SPATS2L: variants seen among roughly 807,000 people sequenced by gnomAD.
SPATS2L encodes spermatogenesis associated serine rich 2 like.
SPATS2L carries 30 observed loss-of-function variants against 59.6 expected under a neutral mutation model. That is an observed-to-expected ratio of 0.50 (90% CI 0.38 to 0.68). SPATS2L has a LOEUF of 0.68. Among genes scored for constraint, SPATS2L ranks in the 30% least tolerant of loss-of-function variants. SPATS2L has a pLI of 0.00. For missense variants in SPATS2L, 615 were observed against 700.0 expected, an observed-to-expected ratio of 0.88 and a Z score of 1.37; for synonymous variants, 252 against 263.5, an observed-to-expected ratio of 0.96 and a Z score of 0.42.
At position 200,419,352 on chromosome 2, in the gene SPATS2L, C is replaced by G; in HGVS notation, c.301C>G (p.Pro101Ala). ...GGCAGGGCCCCTGCAGCCGCAGCCACCACAGATTCAAAACGGCCCCATGAA... is the reference window on the plus strand; with the variant it reads ...GGCAGGGCCCCTGCAGCCGCAGCCAGCACAGATTCAAAACGGCCCCATGAA... Reference protein sequence around the residue: ...PEAGPLQPQPPQIQNGPMNGC... With the variant: ...PEAGPLQPQPAQIQNGPMNGC... Residue 101 changes from proline (P) to alanine (A), a missense_variant, in exon 6 of 13, where the codon CCA becomes GCA. This residue lies in a region of SPATS2L where 227 missense variants were observed against 257.4 expected (regional missense o/e 0.88). Coordinates refer to ENST00000409140, the MANE Select transcript of SPATS2L (RefSeq NM_001100423.2). The G allele has an allele frequency of 6.2e-7, 1 of 1,611,902 alleles. No individual in the cohort carries two copies. The highest frequency in any genetic ancestry group is 8.5e-7 in the Non-Finnish European group (1 of 1,178,996).
chr2:200,465,985 TCA>T (rs1292294073), intron 9 of SPATS2L, among the ~76,000 whole-genome samples: 20 of 152,296 alleles, frequency 1.3e-4, no homozygotes, highest in Admixed American at 2.6e-4. Context: ...TGAGCCGAGA[TCA>T]TGCCACGGCA....
chr2:200,410,882 A>C (rs913477926), intron 3 of SPATS2L, among the ~76,000 whole-genome samples: 1 of 152,136 alleles, frequency 6.6e-6, no homozygotes, highest in African/African-American at 2.4e-5. Context: ...GGATTTTTAA[A>C]GATGACACAG....
In SPATS2L at chr2:200,478,040, G is replaced by T. The variant is rs764825690; in HGVS notation, c.*9G>T. 6.5e-7 allele frequency: 1 copy of T among 1,528,724 alleles called. No individual in the cohort carries two copies. The highest frequency in any genetic ancestry group is 8.8e-7 in the Non-Finnish European group (1 of 1,140,034). 94.7% of individuals were successfully genotyped at this position (1,528,724 alleles called of 1,614,324 possible). ...TGACGTTGGTGGCCTGAGCTAGGAGGAAAAAGAGCAGTTTTCACTCAGTTT... is the reference window on the plus strand; with the variant it reads ...TGACGTTGGTGGCCTGAGCTAGGAGTAAAAAGAGCAGTTTTCACTCAGTTT... On this transcript the variant is annotated 3_prime_UTR_variant, in exon 13 of 13. Transcript: ENST00000409140.
At chr2:200,318,402 A>G (rs1051665321) in intron 1 of SPATS2L, among the ~76,000 whole-genome samples, 2 of 152,224 alleles carry the variant, frequency 1.3e-5, no homozygotes, top group African/African-American at 2.4e-5. Flanking sequence ...TATCAAAATC[A>G]TGAACACTCA....
chr2:200,367,940 C>A (rs984433911), intron 2 of SPATS2L, among the ~76,000 whole-genome samples: 2 of 152,112 alleles, frequency 1.3e-5, no homozygotes, highest in Non-Finnish European at 2.9e-5. Context: ...AATTACTATA[C>A]TTAATTTGGT....
At chr2:200,372,930 C>G (rs973367934) in intron 2 of SPATS2L, among the ~76,000 whole-genome samples, 1 of 152,182 alleles carries the variant, frequency 6.6e-6, no homozygotes. Flanking sequence ...TCCCCAGCAC[C>G]TAGGATGGTA....
intron 2 of SPATS2L, among the ~76,000 whole-genome samples, chr2:200,383,008 C>T (rs147519742): frequency 6.6e-6 from 1 of 152,258 alleles, no homozygotes; most frequent in East Asian, 1.9e-4. Flanking sequence ...AGGATGGAGA[C>T]ACTAGTAGTT....
chr2:200,394,245 G>A (rs1018876101), intron 3 of SPATS2L, among the ~76,000 whole-genome samples: 3 of 152,064 alleles, frequency 2.0e-5, no homozygotes, highest in African/African-American at 4.8e-5. Context: ...ATCCACTGCC[G>A]CATCTCCACG....
intron 2 of SPATS2L, among the ~76,000 whole-genome samples, chr2:200,339,192 A>G (rs1235201439): frequency 3.3e-5 from 5 of 152,224 alleles, no homozygotes; most frequent in African/African-American, 1.2e-4. Flanking sequence ...CACTTGCCTC[A>G]TGAAATAACA....
At chr2:200,406,550 T>G (rs2082695492) in intron 3 of SPATS2L, among the ~76,000 whole-genome samples, 1 of 152,140 alleles carries the variant, frequency 6.6e-6, no homozygotes, top group Non-Finnish European at 1.5e-5. Flanking sequence ...CTCCAGCTTC[T>G]CTCCCTTTGT....
chr2:200,479,941 T>A lies in SPATS2L; in HGVS notation c.*1910T>A. 1 of 393,642 alleles carries A rather than the reference T, an allele frequency of 2.5e-6. No individual in the cohort carries two copies. The highest frequency in any genetic ancestry group is 4.5e-6 in the Non-Finnish European group (1 of 223,548). The allele number at this position is 393,642 out of a possible 1,614,324, so 24.4% of individuals were successfully genotyped here. Reference sequence around the variant, plus strand: ...ATTCCAGGAAGGAAGGAAGAGTTGTTCGTTCAAATAAGAAAGATAAATGTT... The same window carrying A: ...ATTCCAGGAAGGAAGGAAGAGTTGTACGTTCAAATAAGAAAGATAAATGTT... On this transcript the variant is annotated 3_prime_UTR_variant, in exon 13 of 13. Coordinates refer to ENST00000409140, the MANE Select transcript of SPATS2L (RefSeq NM_001100423.2).
intron 2 of SPATS2L, among the ~76,000 whole-genome samples, chr2:200,362,117 C>T (rs2105872360): frequency 6.6e-6 from 1 of 152,186 alleles, no homozygotes; most frequent in East Asian, 1.9e-4. Context: ...CATGGTGGCA[C>T]ATGCCTGTAA....
At chr2:200,409,515 T>G (rs768115457) in intron 3 of SPATS2L, among the ~76,000 whole-genome samples, 24 of 152,170 alleles carry the variant, frequency 1.6e-4, no homozygotes, top group Non-Finnish European at 2.9e-4. Flanking sequence ...AAAATAAACA[T>G]AGTGAATTTA....
rs1267464791 is a variant in SPATS2L at position 200,479,432 on chromosome 2, G to A, written c.*1401G>A. Reference sequence around the variant, plus strand: ...TAGGCCTGTCTCTTAAACCAATCATGAAAGGGGGGAGAGAAGTGAATGGGA... The same window carrying A: ...TAGGCCTGTCTCTTAAACCAATCATAAAAGGGGGGAGAGAAGTGAATGGGA... On this transcript the variant is annotated 3_prime_UTR_variant, in exon 13 of 13. Coordinates refer to ENST00000409140, the MANE Select transcript of SPATS2L (RefSeq NM_001100423.2). 1 of 397,524 alleles carries A rather than the reference G, an allele frequency of 2.5e-6. No individual in the cohort carries two copies. Among genetic ancestry groups the A allele is most frequent in the Non-Finnish European group, 4.4e-6 (1 of 225,974 alleles). The allele number at this position is 397,524 out of a possible 1,614,324, so 24.6% of individuals were successfully genotyped here.
chr2:200,431,368 T>C (rs2083922163), intron 6 of SPATS2L, among the ~76,000 whole-genome samples: 1 of 152,228 alleles, frequency 6.6e-6, no homozygotes, highest in African/African-American at 2.4e-5. Flanking sequence ...CACATTCACA[T>C]AAGTACTTTT....
chr2:200,455,408 G>T (rs1261585106), intron 8 of SPATS2L, among the ~76,000 whole-genome samples: 2 of 152,194 alleles, frequency 1.3e-5, no homozygotes, highest in Admixed American at 1.3e-4. Flanking sequence ...CTTGTTTCAA[G>T]CCCCTGTGGC....
Position 200,306,773 on chromosome 2 carries a change from C to T in SPATS2L, c.-222C>T. On this transcript the variant is annotated 5_prime_UTR_variant, in exon 1 of 13. Transcript: ENST00000409140. ...GCAAGCGCCGGCAGCGCGGGGCGAG[C>T]TCCGGACGGCGCGCGGCCCAGGCAG... 1.1e-5 allele frequency: 11 copies of T among 982,068 alleles called. No homozygotes were observed. Among genetic ancestry groups the T allele is most frequent in the African/African-American group, 1.8e-5 (1 of 57,004 alleles). The allele number at this position is 982,068 out of a possible 1,614,324, so 60.8% of individuals were successfully genotyped here. A position where few individuals can be genotyped will look rare whatever the true frequency, so the allele number is the denominator to read the frequency against.
At chr2:200,450,012 G>A (rs16833388) in intron 8 of SPATS2L, among the ~76,000 whole-genome samples, 10,847 of 152,178 alleles carry the variant, frequency 0.071, 824 homozygotes, top group African/African-American at 0.18. Context: ...AATGAAAGAC[G>A]CATTTTCCAA....
At chr2:200,357,753 T>C (rs1057380285) in intron 2 of SPATS2L, among the ~76,000 whole-genome samples, 5 of 152,210 alleles carry the variant, frequency 3.3e-5, no homozygotes, top group Non-Finnish European at 7.3e-5. Flanking sequence ...TCAAGTAGAC[T>C]ATCATAATGT....
Sources: allele counts gnomAD v4.1 joint callset (sites outside exome capture counted in the v4.1 genomes callset), GRCh38; gene constraint gnomAD v4.1.1; regional missense constraint gnomAD v4.1.1; transcripts MANE v1.5; gene names NCBI Gene and HGNC (gene_info 2026-07-23, HGNC 2026-07-21).